The following TTC29 variants were observed in gnomAD, a reference collection of about 807,000 sequenced individuals.
TTC29 encodes the protein tetratricopeptide repeat protein 29.
TTC29 carries 49 observed loss-of-function variants against 58.1 expected under a neutral mutation model. The ratio of observed to expected loss-of-function variants is 0.84; its 90% CI spans 0.67 to 1.07. TTC29 has a LOEUF of 1.07. Among genes scored for constraint, TTC29 ranks in the 50% least tolerant of loss-of-function variants. The pLI, the probability that TTC29 is intolerant of heterozygous loss-of-function variation, is 0.00. For missense variants in TTC29, 582 were observed against 555.6 expected (o/e 1.05, Z -0.48); for synonymous variants, 209 against 196.8 (o/e 1.06, Z -0.52).
At chr4:146,738,950 C>G (rs1219556364) in intron 11 of TTC29, among the ~76,000 whole-genome samples, 1 of 152,148 alleles carries the variant, frequency 6.6e-6, no homozygotes, top group African/African-American at 2.4e-5. Flanking sequence ...CCCTGTGCAT[C>G]TCTTCACCTG....
chr4:146,846,294 T>C (rs1017705086), intron 8 of TTC29, among the ~76,000 whole-genome samples: 1 of 152,166 alleles, frequency 6.6e-6, no homozygotes, highest in Non-Finnish European at 1.5e-5. Context: ...GTTTGTTTGA[T>C]CACATTCTCA....
intron 4 of TTC29, among the ~76,000 whole-genome samples, chr4:146,934,774 T>C (rs1160242972): frequency 1.3e-5 from 2 of 151,974 alleles, no homozygotes; most frequent in African/African-American, 2.4e-5. Context: ...TTCAAGAAGA[T>C]GAGAGCGTTC....
chr4:146,842,228 G>C (rs139823299), intron 8 of TTC29, among the ~76,000 whole-genome samples: 122 of 152,124 alleles, frequency 8.0e-4, no homozygotes, highest in Non-Finnish European at 1.6e-3. Flanking sequence ...CAATTTTCAT[G>C]ATAGGAAATT....
intron 11 of TTC29, among the ~76,000 whole-genome samples, chr4:146,735,512 T>C (rs762357966): frequency 2.0e-5 from 3 of 152,204 alleles, no homozygotes; most frequent in Non-Finnish European, 4.4e-5. Context: ...GAGGTTATTC[T>C]TGAGGGAATA....
intron 6 of TTC29, among the ~76,000 whole-genome samples, chr4:146,895,951 T>C (rs1249462004): frequency 1.3e-5 from 2 of 152,188 alleles, no homozygotes; most frequent in East Asian, 3.9e-4. Flanking sequence ...TAAAATAAGA[T>C]AGAGAAGTAA....
intron 10 of TTC29, among the ~76,000 whole-genome samples, chr4:146,807,176 T>C (rs1449117196): frequency 6.6e-6 from 1 of 152,194 alleles, no homozygotes; most frequent in African/African-American, 2.4e-5. Flanking sequence ...AATAAATAAG[T>C]TCTTTGAAAC....
intron 11 of TTC29, among the ~76,000 whole-genome samples, chr4:146,746,339 G>A (rs1037800436): frequency 3.3e-5 from 5 of 152,152 alleles, no homozygotes; most frequent in Non-Finnish European, 7.3e-5. Context: ...AGAATAGACA[G>A]TTGCATTAAG....
chr4:146,867,252 T>C (rs571694374), intron 8 of TTC29, among the ~76,000 whole-genome samples: 2 of 152,154 alleles, frequency 1.3e-5, no homozygotes, highest in Non-Finnish European at 2.9e-5. Flanking sequence ...ACTCTATTTA[T>C]TTAATTTTCA....
At chr4:146,755,783 G>C (rs1314121041) in intron 11 of TTC29, among the ~76,000 whole-genome samples, 3 of 151,392 alleles carry the variant, frequency 2.0e-5, no homozygotes, top group East Asian at 1.9e-4. Flanking sequence ...AAAAAATTAG[G>C]GTTCTGTATC....
At chr4:146,811,143 T>C (rs963454129) in intron 10 of TTC29, among the ~76,000 whole-genome samples, 13 of 152,204 alleles carry the variant, frequency 8.5e-5, no homozygotes, top group Non-Finnish European at 1.3e-4. Context: ...TTTGTTGTTG[T>C]TGTTGTTTGT....
At chr4:146,932,778 C>T (rs1482818460) in intron 4 of TTC29, among the ~76,000 whole-genome samples, 1 of 152,036 alleles carries the variant, frequency 6.6e-6, no homozygotes, top group Non-Finnish European at 1.5e-5. Flanking sequence ...GAAAGTAGGC[C>T]AGGCGCGGTG....
chr4:146,767,602 A>G (rs6824183), intron 11 of TTC29, among the ~76,000 whole-genome samples: 36,005 of 151,920 alleles, frequency 0.24, 4,510 homozygotes, highest in East Asian at 0.33. Flanking sequence ...GTTAATTCAC[A>G]TAACATACCT....
intron 11 of TTC29, among the ~76,000 whole-genome samples, chr4:146,770,302 G>A (rs13124371): frequency 6.6e-6 from 1 of 151,822 alleles, no homozygotes; most frequent in African/African-American, 2.4e-5. Flanking sequence ...GTGGGTCTGA[G>A]CTTCTGCATT....
At chr4:146,826,767 T>G (rs1016096755) in intron 9 of TTC29, among the ~76,000 whole-genome samples, 9 of 152,068 alleles carry the variant, frequency 5.9e-5, no homozygotes, top group African/African-American at 2.2e-4. Flanking sequence ...GGCTCGGTCT[T>G]TTTATGAAGT....
chr4:146,913,235 A>G (rs1371953091), intron 4 of TTC29, among the ~76,000 whole-genome samples: 1 of 152,162 alleles, frequency 6.6e-6, no homozygotes, highest in Non-Finnish European at 1.5e-5. Flanking sequence ...GAAAATTATA[A>G]ATAGATAAAA....
intron 6 of TTC29, among the ~76,000 whole-genome samples, chr4:146,899,401 C>G (rs927042832): frequency 6.6e-6 from 1 of 152,196 alleles, no homozygotes; most frequent in Non-Finnish European, 1.5e-5. Flanking sequence ...TCCGTTTGTC[C>G]TGTTTGCATA....
At chr4:146,836,338 G>T (rs977462205) in intron 8 of TTC29, among the ~76,000 whole-genome samples, 1 of 152,068 alleles carries the variant, frequency 6.6e-6, no homozygotes, top group Non-Finnish European at 1.5e-5. Context: ...GCAGTAGGAC[G>T]AGTATAGTTC....
chr4:146,826,177 A>G lies in TTC29; in HGVS notation c.978-5929T>C, dbSNP rs182553292. ...ATAATGCTATGTGGTTATTTTGCACACTAGTTAATGCAGTTTCTTCATAGT... is the reference window on the plus strand; with the variant it reads ...ATAATGCTATGTGGTTATTTTGCACGCTAGTTAATGCAGTTTCTTCATAGT... On this transcript the variant is annotated intron_variant, in intron 9 of 12. Coordinates refer to ENST00000325106, the MANE Select transcript of TTC29 (RefSeq NM_031956.4). Among the ~76,000 whole-genome samples, 13 of 152,248 alleles carry G rather than the reference A, an allele frequency of 8.5e-5. No homozygotes were observed. In the East Asian group the frequency reaches 2.3e-3, roughly 27 times the overall value.
chr4:146,821,985 G>GTTTTTTT (rs34100285), intron 9 of TTC29, among the ~76,000 whole-genome samples: 1 of 109,592 alleles, frequency 9.1e-6, no homozygotes, highest in Non-Finnish European at 1.8e-5. Context: ...CATGTCTAGT[G>GTTTTTTT]TTTTTTTTTT....
Sources: allele counts gnomAD v4.1 joint callset (sites outside exome capture counted in the v4.1 genomes callset), GRCh38; gene constraint gnomAD v4.1.1; transcripts MANE v1.5; gene names NCBI Gene and HGNC (gene_info 2026-07-23, HGNC 2026-07-21).